Variants in FBXO8 observed in about 807,000 individuals in gnomAD.
FBXO8 encodes the protein F-box only protein 8.
Under a neutral mutation model 33.4 loss-of-function variants are expected in FBXO8, and 15 were observed. The ratio of observed to expected loss-of-function variants is 0.45; its 90% confidence interval spans 0.30 to 0.69. The LOEUF is 0.69. Among genes scored for constraint, FBXO8 ranks in the 30% least tolerant of loss-of-function variants. FBXO8 has a pLI of 0.08. For missense variants in FBXO8, 274 were observed against 380.3 expected (o/e 0.72, Z 2.32); for synonymous variants, 132 against 131.5 (o/e 1.00, Z -0.02).
At chr4:174,271,164 T>C (rs1408669516) in intron 1 of FBXO8, among the ~76,000 whole-genome samples, 1 of 152,186 alleles carries the variant, frequency 6.6e-6, no homozygotes, top group Non-Finnish European at 1.5e-5. Context: ...AGGACATTCA[T>C]GAACATGAGA....
At position 174,251,257 on chromosome 4, in the gene FBXO8, CAA is replaced by C. The variant is rs1736279539; in HGVS notation, c.456+8440_456+8441del. Among the ~76,000 whole-genome samples, 1 of 152,094 alleles carries C rather than the reference CAA, an allele frequency of 6.6e-6. No individual in the cohort carries two copies. The highest frequency in any genetic ancestry group is 1.5e-5 in the Non-Finnish European group (1 of 68,012). On this transcript the variant is annotated intron_variant, in intron 3 of 5. Coordinates refer to ENST00000393674, the MANE Select transcript of FBXO8 (RefSeq NM_012180.3). This position sits in a 1 kb window ranked among gnomAD's most constrained non-coding sequence, Gnocchi z 4.2. ...AGTTCCCATAGCACACTGAATAAAA[CAA>C]GAGCAAAATACATCAGGTGGTTTGA...
In FBXO8 at chr4:174,274,635, C is replaced by G. The variant is rs1736917238; in HGVS notation, c.-9+8775G>C. On this transcript the variant is annotated intron_variant, in intron 1 of 5. Coordinates refer to ENST00000393674, the MANE Select transcript of FBXO8 (RefSeq NM_012180.3). This position sits in a 1 kb window ranked among gnomAD's most constrained non-coding sequence, Gnocchi z 4.0. ...TAAGTACTAAAATAAGGAACTGACT[C>G]CACACAATAGGTTACATGAATAAAC... is the stretch of plus-strand genomic sequence containing the variant. Among the ~76,000 whole-genome samples the G allele has an allele frequency of 1.3e-5, 2 of 152,130 alleles. No homozygotes were observed. Among genetic ancestry groups the G allele is most frequent in the African/African-American group, 4.8e-5 (2 of 41,436 alleles).
In FBXO8 at chr4:174,263,127, G is replaced by C. The variant is rs377475456; in HGVS notation, c.-8-27C>G. The C allele has an allele frequency of 2.4e-4, 376 of 1,583,160 alleles. 4 individuals carry two copies. The South Asian group carries it at 3.0e-3, about 13-fold the overall frequency. On this transcript the variant is annotated intron_variant, in intron 1 of 5. Transcript: ENST00000393674. This position sits in a 1 kb window ranked among gnomAD's most constrained non-coding sequence, Gnocchi z 4.2. ...TGGGAAAAAGCCAGAATGTAATAAG[G>C]GTGACATTTAAAAAGTAACCCATTT...
Position 174,253,953 on chromosome 4 carries a change from T to A in FBXO8, c.456+5746A>T, listed in dbSNP as rs1736357910. Among the ~76,000 whole-genome samples, 1 of 152,156 alleles carries A rather than the reference T, an allele frequency of 6.6e-6. No individual in the cohort carries two copies. Among genetic ancestry groups the A allele is most frequent in the Non-Finnish European group, 1.5e-5 (1 of 68,018 alleles). ...GTGAAAGTCAACACACTCAGGTCCA[T>A]CAAGAGATCATCATCTCACTAAAGT... On this transcript the variant is annotated intron_variant, in intron 3 of 5. Transcript: ENST00000393674. This position sits in a 1 kb window ranked among gnomAD's most constrained non-coding sequence, Gnocchi z 4.5.
Position 174,259,558 on chromosome 4 carries a change from G to C in FBXO8, c.456+141C>G, listed in dbSNP as rs1736497906. On this transcript the variant is annotated intron_variant, in intron 3 of 5. Transcript: ENST00000393674. The surrounding 1 kb of genome is among the most constrained non-coding windows in gnomAD (Gnocchi z 4.3). ...AAAATGACTATGTCACATAGCAATAGTTTAAAATATTGGTTTTCTCAGTGA... is the reference window on the plus strand; with the variant it reads ...AAAATGACTATGTCACATAGCAATACTTTAAAATATTGGTTTTCTCAGTGA... The C allele has an allele frequency of 9.4e-7, 1 of 1,068,554 alleles. No individual in the cohort carries two copies. Among genetic ancestry groups the C allele is most frequent in the Non-Finnish European group, 1.4e-6 (1 of 733,216 alleles). 66.2% of individuals were successfully genotyped at this position (1,068,554 alleles called of 1,614,324 possible).
At chr4:174,243,174 T>TA (rs1298592391) in intron 3 of FBXO8, among the ~76,000 whole-genome samples, 1 of 151,536 alleles carries the variant, frequency 6.6e-6, no homozygotes, top group Non-Finnish European at 1.5e-5. Context: ...TTCTGTTTTA[T>TA]AAAAAACACA....
At position 174,245,770 on chromosome 4, in the gene FBXO8, G is replaced by C. The variant is rs1736144820; in HGVS notation, c.457-4552C>G. ...GATAGCGGGCTATACAACTGTATATGTTACATATATGTTACATATATGAAA... is the reference window on the plus strand; with the variant it reads ...GATAGCGGGCTATACAACTGTATATCTTACATATATGTTACATATATGAAA... On this transcript the variant is annotated intron_variant, in intron 3 of 5. Coordinates refer to ENST00000393674, the MANE Select transcript of FBXO8 (RefSeq NM_012180.3). This position sits in a 1 kb window ranked among gnomAD's most constrained non-coding sequence, Gnocchi z 4.6. Among the ~76,000 whole-genome samples the C allele has an allele frequency of 6.6e-6, 1 of 151,902 alleles. No individual in the cohort carries two copies. The highest frequency in any genetic ancestry group is 2.4e-5 in the African/African-American group (1 of 41,382).
At chr4:174,240,159 GAAAGAA>G (rs1735996964) in intron 4 of FBXO8, among the ~76,000 whole-genome samples, 1 of 145,174 alleles carries the variant, frequency 6.9e-6, no homozygotes, top group African/African-American at 2.5e-5. Flanking sequence ...AAAGAAGAAA[GAAAGAA>G]AAAGAAAAGA....
At chr4:174,260,959 A>C (rs1031216746) in intron 2 of FBXO8, among the ~76,000 whole-genome samples, 1 of 151,962 alleles carries the variant, frequency 6.6e-6, no homozygotes, top group African/African-American at 2.4e-5. Context: ...CACAAAGTGC[A>C]GAGCAACAAG....
chr4:174,246,838 G>A (rs1202770120), intron 3 of FBXO8, among the ~76,000 whole-genome samples: 1 of 151,988 alleles, frequency 6.6e-6, no homozygotes, highest in Non-Finnish European at 1.5e-5. Context: ...CAAAGAACAT[G>A]TTGGTTTCTT....
In FBXO8 at chr4:174,265,341, T is replaced by C. The variant is rs945670851; in HGVS notation, c.-8-2241A>G. 2.4e-5 allele frequency among the ~76,000 whole-genome samples: 3 copies of C among 123,214 alleles called. No homozygotes were observed. The highest frequency in any genetic ancestry group is 2.6e-4 in the South Asian group (1 of 3,900). 80.8% of individuals were successfully genotyped at this position (123,214 alleles called of 152,430 possible). A position where few individuals can be genotyped will look rare whatever the true frequency, so the allele number is the denominator to read the frequency against. On this transcript the variant is annotated intron_variant, in intron 1 of 5. Coordinates refer to ENST00000393674, the MANE Select transcript of FBXO8 (RefSeq NM_012180.3). The surrounding 1 kb of genome is among the most constrained non-coding windows in gnomAD (Gnocchi z 4.7). ...GGTATTTACCTAATTAAAAGCTTTT[T>C]ATTTAGGTATTTACCTAATTAAAAG...
rs748210066 is a variant in FBXO8, at chr4:174,259,844, T to C, written c.330-19A>G. 1.9e-6 allele frequency: 3 copies of C among 1,559,996 alleles called. No individual in the cohort carries two copies. The highest frequency in any genetic ancestry group is 4.6e-5 in the East Asian group (2 of 43,028). On this transcript the variant is annotated intron_variant, in intron 2 of 5. Coordinates refer to ENST00000393674, the MANE Select transcript of FBXO8 (RefSeq NM_012180.3). The surrounding 1 kb of genome is among the most constrained non-coding windows in gnomAD (Gnocchi z 4.3). ...GCACAACCTATAAAATCAGAGAAAATGAGACAAGAAAACATTACTACATTT... is the reference window on the plus strand; with the variant it reads ...GCACAACCTATAAAATCAGAGAAAACGAGACAAGAAAACATTACTACATTT...
At position 174,256,259 on chromosome 4, in the gene FBXO8, C is replaced by A; in HGVS notation, c.456+3440G>T. 1 of 388,592 alleles carries A rather than the reference C, an allele frequency of 2.6e-6. No individual in the cohort carries two copies. The highest frequency in any genetic ancestry group is 1.9e-5 in the South Asian group (1 of 51,716). The allele number at this position is 388,592 out of a possible 1,614,324, so 24.1% of individuals were successfully genotyped here. A position where few individuals can be genotyped will look rare whatever the true frequency, so the allele number is the denominator to read the frequency against. ...TTTTACAATACTAAGCAATTATATA[C>A]ATCTTATCTCAGGTACTTGCAAAAA... On this transcript the variant is annotated intron_variant, in intron 3 of 5. Transcript: ENST00000393674. The surrounding 1 kb of genome is among the most constrained non-coding windows in gnomAD (Gnocchi z 4.6).
chr4:174,255,814 T>G lies in FBXO8; in HGVS notation c.456+3885A>C, dbSNP rs921056082. On this transcript the variant is annotated intron_variant, in intron 3 of 5. Coordinates refer to ENST00000393674, the MANE Select transcript of FBXO8 (RefSeq NM_012180.3). The surrounding 1 kb of genome is among the most constrained non-coding windows in gnomAD (Gnocchi z 4.3). ...TGGTTGTTAAATAAAATTACTTCATTATACTACTGCTAGTGGAATAAAATT... is the reference window on the plus strand; with the variant it reads ...TGGTTGTTAAATAAAATTACTTCATGATACTACTGCTAGTGGAATAAAATT... Among the ~76,000 whole-genome samples the G allele has an allele frequency of 6.6e-6, 1 of 152,210 alleles. No homozygotes were observed. The highest frequency in any genetic ancestry group is 2.4e-5 in the African/African-American group (1 of 41,462).
At position 174,281,668 on chromosome 4, in the gene FBXO8, G is replaced by A. The variant is rs1387063464; in HGVS notation, c.-9+1742C>T. On this transcript the variant is annotated intron_variant, in intron 1 of 5. Transcript: ENST00000393674. This position sits in a 1 kb window ranked among gnomAD's most constrained non-coding sequence, Gnocchi z 4.6. Reference sequence around the variant, plus strand: ...GTTCGCACCACTGCACTCCAGCCTGGGCAACAGAATAAAAATCTGTCTCAA... The same window carrying A: ...GTTCGCACCACTGCACTCCAGCCTGAGCAACAGAATAAAAATCTGTCTCAA... 6.6e-6 allele frequency among the ~76,000 whole-genome samples: 1 copy of A among 151,984 alleles called. No homozygotes were observed. The highest frequency in any genetic ancestry group is 1.5e-5 in the Non-Finnish European group (1 of 68,006).
chr4:174,278,442 A>T lies in FBXO8; in HGVS notation c.-9+4968T>A, dbSNP rs1009711519. Among the ~76,000 whole-genome samples the T allele has an allele frequency of 1.3e-5, 2 of 152,120 alleles. No individual in the cohort carries two copies. The highest frequency in any genetic ancestry group is 2.9e-5 in the Non-Finnish European group (2 of 67,966). Reference sequence around the variant, plus strand: ...AAATGGCAACTAAATAAATGTAAAAATTAAGATGTGTTATTTAAATGCAAC... The same window carrying T: ...AAATGGCAACTAAATAAATGTAAAATTTAAGATGTGTTATTTAAATGCAAC... On this transcript the variant is annotated intron_variant, in intron 1 of 5. Transcript: ENST00000393674. The surrounding 1 kb of genome is among the most constrained non-coding windows in gnomAD (Gnocchi z 4.1).
At position 174,237,662 on chromosome 4, in the gene FBXO8, T is replaced by C. The variant is rs996894644; in HGVS notation, c.773-63A>G. Reference sequence around the variant, plus strand: ...TTTACAAAATATGATTCCAATGGCATTATATAAGGCAAAAATGTTCATAAT... The same window carrying C: ...TTTACAAAATATGATTCCAATGGCACTATATAAGGCAAAAATGTTCATAAT... On this transcript the variant is annotated intron_variant, in intron 5 of 5. Coordinates refer to ENST00000393674, the MANE Select transcript of FBXO8 (RefSeq NM_012180.3). The surrounding 1 kb of genome is among the most constrained non-coding windows in gnomAD (Gnocchi z 4.4). 11 of 1,344,920 alleles carry C rather than the reference T, an allele frequency of 8.2e-6. No homozygotes were observed. The highest frequency in any genetic ancestry group is 1.1e-5 in the Non-Finnish European group (11 of 978,724). The allele number at this position is 1,344,920 out of a possible 1,614,324, so 83.3% of individuals were successfully genotyped here. A position where few individuals can be genotyped will look rare whatever the true frequency, so the allele number is the denominator to read the frequency against.
rs911893169 is a variant in FBXO8, at chr4:174,257,576, C to T, written c.456+2123G>A. ...CCTCTCCTGATTCTTATGTACTGTA[C>T]AGTACAGCACTGTACCATTCTGCCT... On this transcript the variant is annotated intron_variant, in intron 3 of 5. Transcript: ENST00000393674. This position sits in a 1 kb window ranked among gnomAD's most constrained non-coding sequence, Gnocchi z 4.3. Among the ~76,000 whole-genome samples, 1 of 152,146 alleles carries T rather than the reference C, an allele frequency of 6.6e-6. No homozygotes were observed. Among genetic ancestry groups the T allele is most frequent in the African/African-American group, 2.4e-5 (1 of 41,432 alleles).
intron 1 of FBXO8, among the ~76,000 whole-genome samples, chr4:174,268,490 T>C (rs1401477506): frequency 6.6e-6 from 1 of 152,188 alleles, no homozygotes; most frequent in Non-Finnish European, 1.5e-5. Context: ...TGGAGTGCAG[T>C]GGCGCGATCT....
Sources: gnomAD v4.1 joint callset for allele counts (sites outside exome capture counted in the v4.1 genomes callset) on GRCh38, gnomAD v4.1.1 for gene constraint, Gnocchi (gnomAD v3.1) non-coding constraint, MANE v1.5 for transcripts, NCBI Gene and HGNC (gene_info 2026-07-23, HGNC 2026-07-21) for gene names.